The following ERC1 variants were observed in gnomAD, a reference collection of about 807,000 sequenced individuals.
ERC1 encodes ELKS/RAB6-interacting/CAST family member 1.
ERC1 carries 56 observed loss-of-function variants against 132.0 expected under a neutral mutation model. The ratio of observed to expected loss-of-function variants is 0.42; its 90% CI spans 0.34 to 0.53. The LOEUF is 0.53. Among genes scored for constraint, ERC1 ranks in the 20% least tolerant of loss-of-function variants. ERC1 has a pLI of 0.03. For missense variants in ERC1, 1,202 were observed against 1,349.9 expected (o/e 0.89, Z 1.72); for synonymous variants, 478 against 476.1 (o/e 1.00, Z -0.05).
chr12:1,437,438 A>G (rs987941182), intron 17 of ERC1, among the ~76,000 whole-genome samples: 1 of 152,210 alleles, frequency 6.6e-6, no homozygotes, highest in Non-Finnish European at 1.5e-5. Flanking sequence ...AGAGATGCCT[A>G]CAGTCTTGAC....
intron 16 of ERC1, among the ~76,000 whole-genome samples, chr12:1,384,480 C>T (rs764335243): frequency 2.0e-5 from 3 of 152,128 alleles, no homozygotes; most frequent in Non-Finnish European, 4.4e-5. Context: ...AAGATGTATG[C>T]AAATCTGGTT....
chr12:1,096,760 T>G (rs1172404833), intron 3 of ERC1, among the ~76,000 whole-genome samples: 1 of 152,210 alleles, frequency 6.6e-6, no homozygotes, highest in Non-Finnish European at 1.5e-5. Context: ...AGGTGTATAG[T>G]TAAGTAAATT....
chr12:1,259,408 AC>A (rs374182953), intron 13 of ERC1, among the ~76,000 whole-genome samples: 3,262 of 151,982 alleles, frequency 0.021, 60 homozygotes, highest in South Asian at 0.058. Context: ...ATCTAGGTCT[AC>A]ATTTTTAAAA....
intron 1 of ERC1, among the ~76,000 whole-genome samples, chr12:1,008,435 T>C (rs986005022): frequency 1.3e-5 from 2 of 152,184 alleles, no homozygotes; most frequent in Non-Finnish European, 2.9e-5. Flanking sequence ...TATTGATCTA[T>C]TTACATAATT....
rs749291136 is a variant in ERC1, at chr12:1,181,928, C to T, written c.1879C>T (p.Arg627Trp). 30 of 1,611,866 alleles carry T rather than the reference C, an allele frequency of 1.9e-5. No individual in the cohort carries two copies. The highest frequency in any genetic ancestry group is 2.7e-5 in the African/African-American group (2 of 74,814). The stretch of plus-strand genomic sequence containing the variant: ...TGTTGATATATTCTCTCATCAGGAG[C>T]GGACAATTGAACGCTTAAAGGAGCA... ...TLEEALAEKE[R>W]TIERLKEQRD... The change falls in exon 10 of 19, where the codon CGG (arginine) becomes TGG (tryptophan). Residue 627 changes from arginine (R) to tryptophan (W), a missense_variant. Physicochemically the swap from Arg to Trp is moderately radical, Grantham distance 101. Transcript: ENST00000360905.
At chr12:1,241,847 C>CTTTTTTTTTTTTTTTTTT (rs57016547) in intron 13 of ERC1, among the ~76,000 whole-genome samples, 1 of 80,490 alleles carries the variant, frequency 1.2e-5, no homozygotes, top group African/African-American at 5.2e-5. Flanking sequence ...TCTTCTTCTT[C>CTTTTTTTTTTTTTTTTTT]TTTTTTTTTT....
chr12:1,012,005 T>C (rs1964757371), intron 1 of ERC1, among the ~76,000 whole-genome samples: 1 of 152,174 alleles, frequency 6.6e-6, no homozygotes, highest in Admixed American at 6.5e-5. Flanking sequence ...ATGGCAGACA[T>C]TGGTTTGTAA....
intron 9 of ERC1, among the ~76,000 whole-genome samples, 153 bp from the exon 10 acceptor site, chr12:1,181,772 A>T (rs148053917): frequency 0.013 from 1,944 of 148,468 alleles, 54 homozygotes; most frequent in African/African-American, 0.047. Flanking sequence ...AACAAGAGCG[A>T]AACTCTGTCT....
At chr12:1,327,649 G>A (rs540574983) in intron 15 of ERC1, among the ~76,000 whole-genome samples, 3 of 152,054 alleles carry the variant, frequency 2.0e-5, no homozygotes, top group Admixed American at 6.5e-5. Context: ...TTTTTCCAAA[G>A]TAATGTTATC....
At chr12:1,267,701 G>A (rs930022605) in intron 14 of ERC1, among the ~76,000 whole-genome samples, 2 of 152,204 alleles carry the variant, frequency 1.3e-5, no homozygotes, top group East Asian at 1.9e-4. Context: ...GTTTGAGGCT[G>A]CAGTGAGCCA....
intron 12 of ERC1, among the ~76,000 whole-genome samples, chr12:1,212,340 C>A (rs1351587498): frequency 6.6e-6 from 1 of 152,114 alleles, no homozygotes; most frequent in Non-Finnish European, 1.5e-5. Context: ...GATCACCTGC[C>A]TAGTAACTTG....
intron 15 of ERC1, among the ~76,000 whole-genome samples, chr12:1,322,274 G>A (rs530116398): frequency 6.6e-6 from 1 of 152,212 alleles, no homozygotes; most frequent in African/African-American, 2.4e-5. Flanking sequence ...TAGATAGTAG[G>A]CTCTCACTAC....
chr12:1,042,622 G>A (rs897709795), intron 2 of ERC1, among the ~76,000 whole-genome samples: 3 of 152,000 alleles, frequency 2.0e-5, no homozygotes, highest in Admixed American at 6.6e-5. Context: ...ACAGGTGTGA[G>A]CCACCGCACT....
intron 15 of ERC1, among the ~76,000 whole-genome samples, chr12:1,310,869 T>A (rs1419972035): frequency 6.6e-6 from 1 of 152,258 alleles, no homozygotes; most frequent in Non-Finnish European, 1.5e-5. Flanking sequence ...CCAGCACAGC[T>A]GCATAACTGC....
At chr12:1,099,746 A>G (rs1944439943) in intron 3 of ERC1, among the ~76,000 whole-genome samples, 2 of 152,014 alleles carry the variant, frequency 1.3e-5, no homozygotes, top group African/African-American at 4.8e-5. Context: ...AGAAAAAAGT[A>G]GATCTTGGTT....
chr12:1,168,497 T>TTTTTG (rs1566132041), intron 8 of ERC1, among the ~76,000 whole-genome samples: 1 of 142,178 alleles, frequency 7.0e-6, no homozygotes, highest in Non-Finnish European at 1.5e-5. Flanking sequence ...TTTTTTTTTT[T>TTTTTG]TTTGGAGGAG....
chr12:1,261,995 G>A (rs1302644566), intron 13 of ERC1, among the ~76,000 whole-genome samples: 1 of 152,172 alleles, frequency 6.6e-6, no homozygotes, highest in East Asian at 1.9e-4. Flanking sequence ...CTAGATTTTT[G>A]AAGGTACAGT....
At chr12:1,447,676 G>A (rs892502625) in intron 18 of ERC1, among the ~76,000 whole-genome samples, 5 of 151,726 alleles carry the variant, frequency 3.3e-5, no homozygotes, top group African/African-American at 1.2e-4. Flanking sequence ...TGGAGACAGA[G>A]TCTCGCTCTG....
chr12:1,226,954 G>T (rs981944551), intron 12 of ERC1, among the ~76,000 whole-genome samples: 38 of 152,236 alleles, frequency 2.5e-4, no homozygotes, highest in African/African-American at 8.9e-4. Flanking sequence ...TGGGATTACA[G>T]GCGTGAGCCA....
Sources: gnomAD v4.1 joint callset for allele counts (sites outside exome capture counted in the v4.1 genomes callset) on GRCh38, gnomAD v4.1.1 for gene constraint, MANE v1.5 for transcripts, NCBI Gene and HGNC (gene_info 2026-07-23, HGNC 2026-07-21) for gene names.